SLC24A2: variants seen among roughly 807,000 people sequenced by gnomAD.
The protein encoded by SLC24A2 is sodium/potassium/calcium exchanger 2.
In SLC24A2, 36 loss-of-function variants were observed where a neutral mutation model predicts 62.0. The ratio of observed to expected loss-of-function variants is 0.58; its 90% CI spans 0.44 to 0.77. The LOEUF is 0.77. Among genes scored for constraint, SLC24A2 ranks in the 30% least tolerant of loss-of-function variants. SLC24A2 has a pLI of 0.00. For missense variants in SLC24A2, 846 were observed against 817.9 expected, an observed-to-expected ratio of 1.03 and a Z score of -0.42; for synonymous variants, 358 against 294.0, an observed-to-expected ratio of 1.22 and a Z score of -2.23.
At chr9:20,162,668 A>G in the SLC24A2 span, among the ~76,000 whole-genome samples, 1 of 152,040 alleles carries the variant, frequency 6.6e-6, no homozygotes, top group Non-Finnish European at 1.5e-5. Flanking sequence ...CTGGGCAGAG[A>G]CACAACCAAA....
intron 2 of SLC24A2, among the ~76,000 whole-genome samples, chr9:19,672,274 G>T (rs1564029076): frequency 6.8e-6 from 1 of 146,326 alleles, no homozygotes. Context: ...ATCTAGGAGG[G>T]TTGTATATTT....
the SLC24A2 span, among the ~76,000 whole-genome samples, chr9:19,977,529 T>A: frequency 3.9e-5 from 6 of 152,130 alleles, no homozygotes; most frequent in African/African-American, 1.4e-4. Context: ...AAGAGATAGG[T>A]ACAAGTTCCT....
the SLC24A2 span, among the ~76,000 whole-genome samples, chr9:20,274,424 A>C: frequency 6.6e-6 from 1 of 152,206 alleles, no homozygotes; most frequent in Non-Finnish European, 1.5e-5. Context: ...GTTTTGATCA[A>C]AAAAGTGTCC....
chr9:19,622,329 G>C (rs1817928027), intron 2 of SLC24A2, 30 bp from the exon 3 acceptor site: 2 of 1,602,918 alleles, frequency 1.2e-6, no homozygotes, highest in Middle Eastern at 1.7e-4. Context: ...AAAGACAAAA[G>C]ACAAAGAAAT....
At chr9:19,706,992 A>G (rs1175734058) in intron 2 of SLC24A2, among the ~76,000 whole-genome samples, 7 of 151,900 alleles carry the variant, frequency 4.6e-5, no homozygotes, top group Non-Finnish European at 8.8e-5. Context: ...GGATCAACAA[A>G]ATTGATAGAC....
the SLC24A2 span, among the ~76,000 whole-genome samples, chr9:19,931,661 A>T: frequency 6.6e-6 from 1 of 152,144 alleles, no homozygotes; most frequent in Non-Finnish European, 1.5e-5. Flanking sequence ...GTGACTAAAC[A>T]TTTTGGTTTG....
intron 5 of SLC24A2, among the ~76,000 whole-genome samples, chr9:19,584,262 A>ACG (rs1836292897): frequency 7.6e-6 from 1 of 132,332 alleles, no homozygotes; most frequent in African/African-American, 2.9e-5. Flanking sequence ...AAACTAACAC[A>ACG]TAGCAAATAG....
At chr9:20,007,526 T>G in the SLC24A2 span, among the ~76,000 whole-genome samples, 2 of 152,152 alleles carry the variant, frequency 1.3e-5, no homozygotes, top group East Asian at 3.8e-4. Context: ...TATATGTATA[T>G]AAATTCATAT....
At chr9:19,901,665 T>C in the SLC24A2 span, among the ~76,000 whole-genome samples, 20 of 152,328 alleles carry the variant, frequency 1.3e-4, 1 homozygote, top group Middle Eastern at 6.8e-3. Context: ...AGACTTAATA[T>C]TGTAGTATCT....
At chr9:20,140,102 T>C in the SLC24A2 span, among the ~76,000 whole-genome samples, 3 of 152,224 alleles carry the variant, frequency 2.0e-5, no homozygotes, top group East Asian at 5.8e-4. Flanking sequence ...TCACTTGCAT[T>C]GATTCTAAAA....
At chr9:20,115,386 G>A in the SLC24A2 span, among the ~76,000 whole-genome samples, 4 of 152,078 alleles carry the variant, frequency 2.6e-5, no homozygotes, top group Admixed American at 6.6e-5. Context: ...GTCAGATACG[G>A]AAACGTCAAA....
chr9:20,098,308 A>G, the SLC24A2 span, among the ~76,000 whole-genome samples: 2 of 152,246 alleles, frequency 1.3e-5, no homozygotes, highest in African/African-American at 4.8e-5. Context: ...ACAGGAATCC[A>G]TAATAAGATG....
At chr9:20,100,099 T>C in the SLC24A2 span, among the ~76,000 whole-genome samples, 3 of 152,122 alleles carry the variant, frequency 2.0e-5, no homozygotes, top group African/African-American at 4.8e-5. Flanking sequence ...AGCCTCGTCC[T>C]CCTGGGCTCA....
At chr9:20,115,697 T>C in the SLC24A2 span, among the ~76,000 whole-genome samples, 1 of 152,290 alleles carries the variant, frequency 6.6e-6, no homozygotes, top group East Asian at 1.9e-4. Flanking sequence ...CACCCTGTTA[T>C]GAAACTCACT....
chr9:19,847,825 G>T, the SLC24A2 span, among the ~76,000 whole-genome samples: 2 of 152,044 alleles, frequency 1.3e-5, no homozygotes, highest in East Asian at 3.9e-4. Flanking sequence ...TCTTTCTTCA[G>T]ACCAGTAAAC....
intron 7 of SLC24A2, among the ~76,000 whole-genome samples, chr9:19,553,570 T>G (rs1268073348): frequency 1.3e-5 from 2 of 152,152 alleles, no homozygotes; most frequent in African/African-American, 2.4e-5. Context: ...AGTTCCCACA[T>G]GGTGGGTGGT....
intron 2 of SLC24A2, among the ~76,000 whole-genome samples, chr9:19,723,858 G>T (rs530686239): frequency 3.3e-5 from 5 of 151,782 alleles, no homozygotes; most frequent in Non-Finnish European, 7.4e-5. Context: ...AGCTTAATTG[G>T]ACAAACATTT....
At chr9:19,528,904 T>C (rs1321659271) in intron 8 of SLC24A2, among the ~76,000 whole-genome samples, 2 of 152,196 alleles carry the variant, frequency 1.3e-5, no homozygotes, top group Non-Finnish European at 2.9e-5. Context: ...GTAGACTTTA[T>C]GCTATCTCAG....
the SLC24A2 span, among the ~76,000 whole-genome samples, chr9:19,981,970 G>C: frequency 1.3e-5 from 2 of 152,294 alleles, no homozygotes; most frequent in African/African-American, 2.4e-5. Flanking sequence ...GGAGGAGGGA[G>C]AACAGAAGGA....
Sources: allele counts gnomAD v4.1 joint callset (sites outside exome capture counted in the v4.1 genomes callset), GRCh38; gene constraint gnomAD v4.1.1; transcripts MANE v1.5; gene names NCBI Gene and HGNC (gene_info 2026-07-23, HGNC 2026-07-21).